The following GRIN1 variants were observed in gnomAD, a reference collection of about 807,000 sequenced individuals.
The protein encoded by GRIN1 is glutamate receptor ionotropic, NMDA 1.
GRIN1 carries 38 observed loss-of-function variants against 103.0 expected under a neutral mutation model. The ratio of observed to expected loss-of-function variants is 0.37; its 90% CI spans 0.28 to 0.48. GRIN1 has a LOEUF of 0.48. Among genes scored for constraint, GRIN1 ranks in the 20% least tolerant of loss-of-function variants. The pLI is 0.98. For synonymous variants in GRIN1, 544 were observed against 532.7 expected (o/e 1.02, Z -0.29); for missense variants, 577 against 1,288.9 (o/e 0.45, Z 8.46).
chr9:137,145,419 G>GA (rs1832460918), intron 2 of GRIN1, among the ~76,000 whole-genome samples: 1 of 129,790 alleles, frequency 7.7e-6, no homozygotes, highest in African/African-American at 3.0e-5. Flanking sequence ...AGTGTCCCCA[G>GA]GGTGGCAGGG....
intron 19 of GRIN1, among the ~76,000 whole-genome samples, chr9:137,166,112 C>A (rs554869618): frequency 6.6e-6 from 1 of 152,150 alleles, no homozygotes; most frequent in South Asian, 2.1e-4. Flanking sequence ...GCCTGCAGAG[C>A]CCAGGACGAC....
In GRIN1 at chr9:137,140,929, G is replaced by T. The variant is rs144162018; in HGVS notation, c.259-1084G>T. On this transcript the variant is annotated intron_variant, in intron 1 of 19. Coordinates refer to ENST00000371561, the MANE Select transcript of GRIN1 (RefSeq NM_007327.4). ...CTTCACAAGCCACCCCCGTGCCCCAGCCCAGGACACCATGGGATGGGACTG... is the reference window on the plus strand; with the variant it reads ...CTTCACAAGCCACCCCCGTGCCCCATCCCAGGACACCATGGGATGGGACTG... Among the ~76,000 whole-genome samples, 6 of 152,286 alleles carry T rather than the reference G, an allele frequency of 3.9e-5. No individual in the cohort carries two copies. In the East Asian group the frequency reaches 9.7e-4, roughly 25 times the overall value.
intron 2 of GRIN1, among the ~76,000 whole-genome samples, chr9:137,143,433 G>C (rs989032674): frequency 4.6e-5 from 7 of 152,344 alleles, no homozygotes; most frequent in Non-Finnish European, 8.8e-5. Flanking sequence ...GTGCCCTCAG[G>C]CACGACCTCC....
chr9:137,142,196 C>T (rs1484154131), intron 2 of GRIN1, 49 bp downstream of exon 2: 2 of 1,603,156 alleles, frequency 1.2e-6, no homozygotes, highest in Non-Finnish European at 8.5e-7. Flanking sequence ...CCCCAGGGCA[C>T]AGCCTGGCCA....
At chr9:137,163,040 G>A (rs899821827) in intron 15 of GRIN1, 37 bp downstream of exon 15, 3 of 1,562,034 alleles carry the variant, frequency 1.9e-6, no homozygotes, top group Non-Finnish European at 2.6e-6. Context: ...GGGCGGGACA[G>A]GTGCGGGGAG....
intron 3 of GRIN1, among the ~76,000 whole-genome samples, chr9:137,147,461 C>T (rs539408861): frequency 2.0e-5 from 3 of 152,238 alleles, no homozygotes; most frequent in Admixed American, 6.5e-5. Context: ...CACGCACACA[C>T]ATGCACACAC....
At position 137,139,614 on chromosome 9, in the gene GRIN1, G is replaced by T; in HGVS notation, c.128G>T (p.Arg43Leu). ...LSTRKHEQMF[R>L]EAVNQANKRH... ...ACGCGGAAGCACGAGCAGATGTTCC[G>T]CGAGGCCGTGAACCAGGCCAACAAG... The change falls in exon 1 of 20, where the codon CGC becomes CTC. Residue 43 changes from arginine (R) to leucine (L), a missense_variant. Transcript: ENST00000371561. The surrounding 1 kb of genome is among the most constrained non-coding windows in gnomAD (Gnocchi z 7.7). 2 of 1,613,702 alleles carry T rather than the reference G, an allele frequency of 1.2e-6. No homozygotes were observed. Among genetic ancestry groups the T allele is most frequent in the Non-Finnish European group, 8.5e-7 (1 of 1,179,988 alleles).
In GRIN1 at chr9:137,163,028, C is replaced by T. The variant is rs758697555; in HGVS notation, c.2171+25C>T. The T allele has an allele frequency of 5.8e-6, 6 of 1,040,436 alleles. No individual in the cohort carries two copies. The African/African-American group carries it at 8.1e-5, about 14-fold the overall frequency. The allele number at this position is 1,040,436 out of a possible 1,614,324, so 64.5% of individuals were successfully genotyped here. A position where few individuals can be genotyped will look rare whatever the true frequency, so the allele number is the denominator to read the frequency against. Reference sequence around the variant, plus strand: ...AGTGAGGCGCGGGCGGCCACCCTGGCGGGGCGGGACAGGTGCGGGGAGGGG... The same window carrying T: ...AGTGAGGCGCGGGCGGCCACCCTGGTGGGGCGGGACAGGTGCGGGGAGGGG... On this transcript the variant is annotated intron_variant, in intron 15 of 19. Transcript: ENST00000371561.
At chr9:137,145,551 G>A (rs1174184063) in intron 2 of GRIN1, among the ~76,000 whole-genome samples, 175 bp from the exon 3 acceptor site, 10 of 6,868 alleles carry the variant, frequency 1.5e-3, no homozygotes, top group East Asian at 7.4e-3. Flanking sequence ...TGGTAGGGAC[G>A]GGGTGGGAGA....
intron 18 of GRIN1, chr9:137,164,465 C>G (rs2131305398): frequency 5.4e-6 from 1 of 186,700 alleles, no homozygotes; most frequent in Non-Finnish European, 1.1e-5. Flanking sequence ...CTGTACAGGC[C>G]TAAGGGCTCG....
At chr9:137,166,953 T>C (rs1213969545) in intron 19 of GRIN1, among the ~76,000 whole-genome samples, 9 of 152,150 alleles carry the variant, frequency 5.9e-5, no homozygotes, top group Non-Finnish European at 1.3e-4. Flanking sequence ...GATGGGCCAC[T>C]TTCAGAGGGT....
intron 4 of GRIN1, among the ~76,000 whole-genome samples, chr9:137,154,639 A>G (rs140630616): frequency 0.015 from 2,276 of 150,664 alleles, 55 homozygotes; most frequent in African/African-American, 0.052. Flanking sequence ...TTTTGTAGAG[A>G]CGGGGTTTCT....
At chr9:137,167,315 G>A (rs1267138555) in intron 19 of GRIN1, 96 bp from the exon 20 acceptor site, 2 of 948,444 alleles carry the variant, frequency 2.1e-6, no homozygotes, top group African/African-American at 3.3e-5. Context: ...CCTGTCCTGT[G>A]GCCGGTCCGG....
rs1442659729 is a variant in GRIN1, at chr9:137,141,997, T to A, written c.259-16T>A. ...TCACCCCTGACTCAAGCTGATCATG[T>A]CTCCTGTGTCCACAGGTCTACGCCA... On this transcript the variant is annotated splice_polypyrimidine_tract_variant and intron_variant, in intron 1 of 19. Coordinates refer to ENST00000371561, the MANE Select transcript of GRIN1 (RefSeq NM_007327.4). The A allele has an allele frequency of 1.9e-6, 3 of 1,613,944 alleles. No individual in the cohort carries two copies. The highest frequency in any genetic ancestry group is 2.5e-6 in the Non-Finnish European group (3 of 1,179,888).
At position 137,140,559 on chromosome 9, in the gene GRIN1, A is replaced by G. The variant is rs4072821; in HGVS notation, c.258+815A>G. Among the ~76,000 whole-genome samples the G allele has an allele frequency of 2.0e-3, 306 of 152,246 alleles. 5 individuals are homozygous for G. Among genetic ancestry groups the G allele is most frequent in the East Asian group, 0.019 (98 of 5,176 alleles). On this transcript the variant is annotated intron_variant, in intron 1 of 19. Coordinates refer to ENST00000371561, the MANE Select transcript of GRIN1 (RefSeq NM_007327.4). ...CATGCACCTCAGCATCACACAATCAATTTCATATGCTCATCTGCACACATG... is the reference window on the plus strand; with the variant it reads ...CATGCACCTCAGCATCACACAATCAGTTTCATATGCTCATCTGCACACATG...
At chr9:137,150,282 C>T (rs1474767399) in intron 4 of GRIN1, among the ~76,000 whole-genome samples, 7 of 152,172 alleles carry the variant, frequency 4.6e-5, no homozygotes, top group South Asian at 2.1e-4. Context: ...AGGGTATGCA[C>T]AGGTCCCAAA....
At chr9:137,161,244 G>A (rs746987727) in intron 9 of GRIN1, 45 bp from the exon 10 acceptor site, 1 of 1,610,466 alleles carries the variant, frequency 6.2e-7, no homozygotes, top group Middle Eastern at 1.7e-4. Flanking sequence ...GGCGCGGGGC[G>A]TGGGGCGGTC....
At position 137,162,902 on chromosome 9, in the gene GRIN1, T is replaced by G; in HGVS notation, c.2070T>G (p.Asp690Glu). The G allele has an allele frequency of 1.2e-6, 2 of 1,611,522 alleles. No individual in the cohort carries two copies. The highest frequency in any genetic ancestry group is 1.7e-6 in the Non-Finnish European group (2 of 1,179,422). Residue 690 changes from aspartate (D) to glutamate (E), a missense_variant, in exon 15 of 20, where the codon GAT becomes GAG. Around this residue, in one of 9 missense-constraint regions of GRIN1, gnomAD observed 59 missense variants for 161.3 expected, o/e 0.37. Coordinates refer to ENST00000371561, the MANE Select transcript of GRIN1 (RefSeq NM_007327.4). The part of the protein sequence containing the change: ...IYATVKQSSV[D>E]IYFRRQVELS... ...CCACGGTGAAGCAGAGCTCCGTGGA[T>G]ATCTACTTCCGGCGCCAGGTGGAGC...
intron 19 of GRIN1, among the ~76,000 whole-genome samples, chr9:137,166,873 C>T (rs1833907118): frequency 6.6e-6 from 1 of 152,150 alleles, no homozygotes; most frequent in Admixed American, 6.5e-5. Context: ...GAGGGGGTGT[C>T]CAGGCAGACA....
Sources: allele counts gnomAD v4.1 joint callset (sites outside exome capture counted in the v4.1 genomes callset), GRCh38; gene constraint gnomAD v4.1.1; regional missense constraint gnomAD v4.1.1; non-coding constraint Gnocchi (gnomAD v3.1); transcripts MANE v1.5; gene names NCBI Gene and HGNC (gene_info 2026-07-23, HGNC 2026-07-21).